The following PDPR variants were observed in gnomAD, a reference collection of about 807,000 sequenced individuals.
PDPR encodes the protein pyruvate dehydrogenase phosphatase regulatory subunit, mitochondrial.
Under a neutral mutation model 102.2 loss-of-function variants are expected in PDPR, and 50 were observed. The ratio of observed to expected loss-of-function variants is 0.49; its 90% confidence interval spans 0.39 to 0.62. The LOEUF (loss-of-function observed/expected upper bound fraction) is 0.62. PDPR is among the 20% of genes least tolerant of loss of function. The pLI is 0.00. For missense variants in PDPR, 625 were observed against 1,098.2 expected (o/e 0.57, Z 6.09); for synonymous variants, 259 against 406.0 (o/e 0.64, Z 4.35).
At chr16:70,125,358 G>T (rs1330628991) in intron 3 of PDPR, among the ~76,000 whole-genome samples, 1 of 150,522 alleles carries the variant, frequency 6.6e-6, no homozygotes, top group Non-Finnish European at 1.5e-5. Context: ...TCTGAGTGAC[G>T]AGCAAAACTC....
chr16:70,147,980 C>T (rs1299070913), intron 16 of PDPR, among the ~76,000 whole-genome samples: 1 of 152,202 alleles, frequency 6.6e-6, no homozygotes, highest in East Asian at 1.9e-4. Context: ...GGGAACTGAG[C>T]TGCTATGTAA....
intron 4 of PDPR, among the ~76,000 whole-genome samples, chr16:70,127,947 G>A (rs3960348): frequency 7.2e-6 from 1 of 138,576 alleles, no homozygotes; most frequent in Non-Finnish European, 1.6e-5. Flanking sequence ...GCAGCCTGGC[G>A]TGGCTGATGC....
intron 2 of PDPR, among the ~76,000 whole-genome samples, chr16:70,115,352 G>A (rs1184783930): frequency 3.3e-5 from 5 of 152,170 alleles, no homozygotes; most frequent in Non-Finnish European, 7.4e-5. Flanking sequence ...TCGAACTCCT[G>A]ACCTCGTGAT....
At chr16:70,148,690 G>C (rs1397977547) in intron 17 of PDPR, 137 bp downstream of exon 17, 26 of 738,370 alleles carry the variant, frequency 3.5e-5, no homozygotes, top group Admixed American at 1.9e-4. Context: ...AGCTGTATCT[G>C]ATTGGGCCTT....
intron 9 of PDPR, among the ~76,000 whole-genome samples, chr16:70,134,178 G>T (rs1235844381): frequency 6.6e-6 from 1 of 152,184 alleles, no homozygotes; most frequent in Non-Finnish European, 1.5e-5. Flanking sequence ...GAATTGTTTT[G>T]TTAGTGTAGT....
rs1967264792 is a variant in PDPR, at chr16:70,156,799, A to G, written c.2560A>G (p.Lys854Glu). 1.2e-6 allele frequency: 2 copies of G among 1,613,948 alleles called. No homozygotes were observed. The highest frequency in any genetic ancestry group is 1.7e-6 in the Non-Finnish European group (2 of 1,179,906). ...IAGYRFQAKA[K>E]LYPVASLFTQ... is the part of the protein sequence containing the mutation. Reference sequence around the variant, plus strand: ...GGGATACCGCTTCCAGGCCAAGGCCAAGCTCTACCCTGTCGCCTCCCTCTT... The same window carrying G: ...GGGATACCGCTTCCAGGCCAAGGCCGAGCTCTACCCTGTCGCCTCCCTCTT... Residue 854 changes from lysine (K) to glutamate (E), a missense_variant, in exon 19 of 19, where the codon AAG (lysine) becomes GAG (glutamate). Transcript: ENST00000288050.
chr16:70,143,953 GC>G (rs1965998291), intron 14 of PDPR, among the ~76,000 whole-genome samples: 1 of 151,710 alleles, frequency 6.6e-6, no homozygotes, highest in Admixed American at 6.6e-5. Flanking sequence ...GTGCAGTGAT[GC>G]GATCATGGAT....
chr16:70,116,730 CGG>C (rs1394850923), intron 2 of PDPR, among the ~76,000 whole-genome samples: 7 of 152,046 alleles, frequency 4.6e-5, no homozygotes, highest in Admixed American at 1.3e-4. Context: ...TTGGTAGAGA[CGG>C]GGTTTCACCA....
Position 70,156,712 on chromosome 16 carries a change from G to A in PDPR, c.2473G>A (p.Gly825Arg). 6.2e-7 allele frequency: 1 copy of A among 1,614,110 alleles called. No individual in the cohort carries two copies. Among genetic ancestry groups the A allele is most frequent in the South Asian group, 1.1e-5 (1 of 91,090 alleles). Reference sequence around the variant, plus strand: ...TGTGCACAATTTTTCTGAGGACACGGGGGAAGAGCAAGTGGTGACAGCAGA... The same window carrying A: ...TGTGCACAATTTTTCTGAGGACACGAGGGAAGAGCAAGTGGTGACAGCAGA... ...GFVHNFSEDT[G>R]EEQVVTADFI... Residue 825 changes from glycine (G) to arginine (R), a missense_variant, in exon 19 of 19, where the codon GGG becomes AGG. Coordinates refer to ENST00000288050, the MANE Select transcript of PDPR (RefSeq NM_017990.5).
At chr16:70,151,272 G>A (rs528118491) in intron 17 of PDPR, among the ~76,000 whole-genome samples, 2 of 152,320 alleles carry the variant, frequency 1.3e-5, no homozygotes, top group South Asian at 4.1e-4. Flanking sequence ...GTCTCAATAT[G>A]TTGCCCAGGC....
chr16:70,158,261 C>T lies in PDPR; in HGVS notation c.*1382C>T, dbSNP rs1967439653. 6.6e-6 allele frequency: 1 copy of T among 152,456 alleles called. No homozygotes were observed. Among genetic ancestry groups the T allele is most frequent in the Admixed American group, 6.5e-5 (1 of 15,284 alleles). The allele number at this position is 152,456 out of a possible 1,614,324, so 9.4% of individuals were successfully genotyped here. On this transcript the variant is annotated 3_prime_UTR_variant, in exon 19 of 19. Transcript: ENST00000288050. ...GCCTCAATGCTTCATTTTCCCCTTG[C>T]ATATCAACTGCCCTAATCTGACTTT... is the stretch of plus-strand genomic sequence containing the variant.
intron 3 of PDPR, among the ~76,000 whole-genome samples, chr16:70,123,500 A>C (rs1963574864): frequency 6.6e-6 from 1 of 152,270 alleles, no homozygotes; most frequent in African/African-American, 2.4e-5. Context: ...AACCTCCCAA[A>C]GTACTGGGGT....
intron 17 of PDPR, 33 bp downstream of exon 17, chr16:70,148,586 A>ACGTCC: frequency 1.4e-6 from 2 of 1,441,244 alleles, no homozygotes; most frequent in Non-Finnish European, 9.6e-7. Flanking sequence ...CCTTCCCTTC[A>ACGTCC]CTTCCCTTCC....
At chr16:70,144,877 C>T (rs535103345) in intron 15 of PDPR, among the ~76,000 whole-genome samples, 232 of 152,060 alleles carry the variant, frequency 1.5e-3, no homozygotes, top group Non-Finnish European at 7.8e-4. Context: ...ATCACTTGAA[C>T]CCAGGAGGCA....
chr16:70,134,749 G>GC (rs1239470036), intron 9 of PDPR, among the ~76,000 whole-genome samples: 1 of 149,410 alleles, frequency 6.7e-6, no homozygotes, highest in East Asian at 2.0e-4. Context: ...TCGCACCACT[G>GC]CACTCCAGCC....
chr16:70,120,932 T>C (rs1423189758), intron 3 of PDPR, among the ~76,000 whole-genome samples: 1 of 11,812 alleles, frequency 8.5e-5, no homozygotes, highest in Non-Finnish European at 1.6e-4. Context: ...TTCGTTTTCC[T>C]TTTTTTTTTT....
chr16:70,135,521 GC>G (rs1290658084), intron 9 of PDPR, among the ~76,000 whole-genome samples: 1 of 152,384 alleles, frequency 6.6e-6, no homozygotes, highest in East Asian at 1.9e-4. Context: ...ACAAATGCAA[GC>G]CACCATGCCC....
intron 10 of PDPR, among the ~76,000 whole-genome samples, chr16:70,137,739 A>G (rs560012044): frequency 6.6e-6 from 1 of 152,406 alleles, no homozygotes; most frequent in South Asian, 2.1e-4. Context: ...CAGTTACAGA[A>G]GAGGAGTTAG....
At position 70,156,781 on chromosome 16, in the gene PDPR, C is replaced by T. The variant is rs111255549; in HGVS notation, c.2542C>T (p.Arg848Cys). Residue 848 changes from arginine to cysteine, a missense_variant, in exon 19 of 19, where the codon CGC becomes TGC. Coordinates refer to ENST00000288050, the MANE Select transcript of PDPR (RefSeq NM_017990.5). Reference sequence around the variant, plus strand: ...GTATGAGATTGACATCGCGGGATACCGCTTCCAGGCCAAGGCCAAGCTCTA... The same window carrying T: ...GTATGAGATTGACATCGCGGGATACTGCTTCCAGGCCAAGGCCAAGCTCTA... Reference protein sequence around the residue: ...GEYEIDIAGYRFQAKAKLYPV... With the variant: ...GEYEIDIAGYCFQAKAKLYPV... The T allele has an allele frequency of 1.3e-3, 2,061 of 1,613,230 alleles. No individual in the cohort carries two copies. In the African/African-American group the frequency reaches 0.024, roughly 18 times the overall value.
Sources: gnomAD v4.1 joint callset for allele counts (sites outside exome capture counted in the v4.1 genomes callset) on GRCh38, gnomAD v4.1.1 for gene constraint, MANE v1.5 for transcripts, NCBI Gene and HGNC (gene_info 2026-07-23, HGNC 2026-07-21) for gene names.